NAB2: variants seen among roughly 807,000 people sequenced by gnomAD.
The protein encoded by NAB2 is NGFI-A binding protein 2, also known as NGFI-A-binding protein 2.
In NAB2, 9 loss-of-function variants were observed where a neutral mutation model predicts 44.2. That is an observed-to-expected ratio of 0.20 (90% CI 0.12 to 0.36). The LOEUF (loss-of-function observed/expected upper bound fraction) is 0.36. NAB2 is among the 10% of genes least tolerant of loss of function. The probability of loss-of-function intolerance (pLI) is 1.00; values close to 1 mark genes in which losing one functional copy is unlikely to be tolerated. For missense variants in NAB2, 514 were observed against 709.0 expected (o/e 0.73, Z 3.12); for synonymous variants, 342 against 291.0 (o/e 1.18, Z -1.78).
At chr12:57,089,472 T>TG in intron 1 of NAB2, 118 bp downstream of exon 1, 1 of 371,608 alleles carries the variant, frequency 2.7e-6, no homozygotes, top group Non-Finnish European at 4.5e-6. Flanking sequence ...GGGTGGGGGG[T>TG]GGAGACTGAT....
At chr12:57,092,707 A>C in intron 3 of NAB2, 126 bp downstream of exon 3, 1 of 1,394,960 alleles carries the variant, frequency 7.2e-7, no homozygotes, top group Non-Finnish European at 9.8e-7. Flanking sequence ...GCTTTTGGCC[A>C]AGTCAGCTTG....
rs768954384 is a variant in NAB2, at chr12:57,092,485, G to A, written c.995G>A (p.Arg332Lys). The A allele has an allele frequency of 1.1e-5, 18 of 1,614,182 alleles. No homozygotes were observed. The highest frequency in any genetic ancestry group is 1.4e-5 in the Non-Finnish European group (17 of 1,180,022). ...INEAAAQFCM[R>K]DNTLLLRRVE... ...GAGGCTGCTGCCCAGTTCTGCATGAGGGACAACACGCTCTTATTACGGAGA... is the reference window on the plus strand; with the variant it reads ...GAGGCTGCTGCCCAGTTCTGCATGAAGGACAACACGCTCTTATTACGGAGA... Residue 332 changes from arginine to lysine, a missense_variant, in exon 3 of 7, where the codon AGG becomes AAG. Transcript: ENST00000300131.
chr12:57,090,816 GTTC>G (rs1276647733), intron 1 of NAB2, among the ~76,000 whole-genome samples: 4 of 152,216 alleles, frequency 2.6e-5, no homozygotes, highest in East Asian at 1.9e-4. Context: ...CAGCGCTCAA[GTTC>G]TTCTTGCCCC....
In NAB2 at chr12:57,094,768, A is replaced by T. The variant is rs425943; in HGVS notation, c.*47A>T. ...ACCCAGGACCTCAGACTTCTGGCTC[A>T]CACAGACCCCCACGCTCTCCATCCC... is the stretch of plus-strand genomic sequence containing the variant. On this transcript the variant is annotated 3_prime_UTR_variant, in exon 7 of 7. Coordinates refer to ENST00000300131, the MANE Select transcript of NAB2 (RefSeq NM_005967.4). 3 of 1,460,978 alleles carry T rather than the reference A, an allele frequency of 2.1e-6. No individual in the cohort carries two copies. Among genetic ancestry groups the T allele is most frequent in the South Asian group, 2.5e-5 (2 of 81,436 alleles). 90.5% of individuals were successfully genotyped at this position (1,460,978 alleles called of 1,614,324 possible). A position where few individuals can be genotyped will look rare whatever the true frequency, so the allele number is the denominator to read the frequency against.
intron 1 of NAB2, among the ~76,000 whole-genome samples, chr12:57,090,459 A>T (rs1416921512): frequency 6.6e-6 from 1 of 152,066 alleles, no homozygotes; most frequent in South Asian, 2.1e-4. Context: ...CCTGGGTGAC[A>T]GAGCGAGACT....
intron 6 of NAB2, 62 bp downstream of exon 6, chr12:57,093,660 C>T: frequency 7.1e-7 from 1 of 1,411,152 alleles, no homozygotes; most frequent in Non-Finnish European, 9.3e-7. Context: ...CACAGCAATT[C>T]TGGTGTCCTG....
chr12:57,090,987 G>A (rs990810181), intron 1 of NAB2, 138 bp from the exon 2 acceptor site: 4 of 698,682 alleles, frequency 5.7e-6, no homozygotes, highest in African/African-American at 3.5e-5. Flanking sequence ...ACTCAGACCT[G>A]GGCACTGGGC....
chr12:57,094,553 C>T, intron 6 of NAB2, 59 bp from the exon 7 acceptor site: 2 of 1,388,098 alleles, frequency 1.4e-6, no homozygotes, highest in Non-Finnish European at 2.0e-6. Flanking sequence ...CTGTTCCCAA[C>T]CACCTCTGTC....
chr12:57,092,516 G>A lies in NAB2; in HGVS notation c.1026G>A (p.Glu342=), dbSNP rs1166884171. 2.5e-6 allele frequency: 4 copies of A among 1,614,216 alleles called. No homozygotes were observed. Among genetic ancestry groups the A allele is most frequent in the Non-Finnish European group, 3.4e-6 (4 of 1,180,040 alleles). The change falls in exon 3 of 7, where the codon GAG becomes GAA. Residue 342 remains glutamate, a synonymous_variant. Coordinates refer to ENST00000300131, the MANE Select transcript of NAB2 (RefSeq NM_005967.4). ...RDNTLLLRRV[E]LFSLSRQVAR... ...ACACGCTCTTATTACGGAGAGTGGA[G>A]CTCTTCTCTTTGTCCCGCCAAGTAG...
intron 2 of NAB2, 90 bp downstream of exon 2, chr12:57,092,088 T>C: frequency 1.3e-6 from 2 of 1,500,078 alleles, no homozygotes; most frequent in South Asian, 2.7e-5. Context: ...CCGACTATCT[T>C]TCATTATCTC....
At position 57,092,096 on chromosome 12, in the gene NAB2, C is replaced by T. The variant is rs561478597; in HGVS notation, c.957+98C>T. The stretch of plus-strand genomic sequence containing the variant: ...ACAGTCTCCGACTATCTTTCATTAT[C>T]TCTTGACCAGGACCCCAGGCCCTGA... On this transcript the variant is annotated intron_variant, in intron 2 of 6. Coordinates refer to ENST00000300131, the MANE Select transcript of NAB2 (RefSeq NM_005967.4). The T allele has an allele frequency of 1.1e-4, 166 of 1,481,646 alleles. No individual in the cohort carries two copies. In the African/African-American group the frequency reaches 2.1e-3, roughly 19 times the overall value. 91.8% of individuals were successfully genotyped at this position (1,481,646 alleles called of 1,614,324 possible).
intron 1 of NAB2, among the ~76,000 whole-genome samples, chr12:57,090,868 C>T (rs763123035): frequency 1.2e-4 from 18 of 152,224 alleles, no homozygotes; most frequent in Non-Finnish European, 2.4e-4. Flanking sequence ...GGTTGTAAGA[C>T]GCTTCGACTC....
rs762248536 is a variant in NAB2 at position 57,094,932 on chromosome 12, C to G, written c.*211C>G. On this transcript the variant is annotated 3_prime_UTR_variant, in exon 7 of 7. Coordinates refer to ENST00000300131, the MANE Select transcript of NAB2 (RefSeq NM_005967.4). Reference sequence around the variant, plus strand: ...AGGACACAAGGAGGGTGCGTGGTGCCCTCACCCCTGCCCAGAGCGAGGGGG... The same window carrying G: ...AGGACACAAGGAGGGTGCGTGGTGCGCTCACCCCTGCCCAGAGCGAGGGGG... The G allele has an allele frequency of 1.6e-5, 9 of 577,828 alleles. No individual in the cohort carries two copies. Among genetic ancestry groups the G allele is most frequent in the Non-Finnish European group, 2.5e-5 (8 of 325,076 alleles). The allele number at this position is 577,828 out of a possible 1,614,324, so 35.8% of individuals were successfully genotyped here.
rs2033333426 is a variant in NAB2 at position 57,095,299 on chromosome 12, G to T, written c.*578G>T. ...TTCCCTGCCCTACATAGGGGCGGTG[G>T]GTGTGGGATCCCTTCACTGGCCCCC... On this transcript the variant is annotated 3_prime_UTR_variant, in exon 7 of 7. Coordinates refer to ENST00000300131, the MANE Select transcript of NAB2 (RefSeq NM_005967.4). 6.5e-6 allele frequency: 1 copy of T among 153,632 alleles called. No individual in the cohort carries two copies. Among genetic ancestry groups the T allele is most frequent in the African/African-American group, 2.4e-5 (1 of 41,424 alleles). 9.5% of individuals were successfully genotyped at this position (153,632 alleles called of 1,614,324 possible).
At position 57,089,312 on chromosome 12, in the gene NAB2, G is replaced by C. The variant is rs745795741; in HGVS notation, c.41G>C (p.Gly14Ala). 6.3e-7 allele frequency: 1 copy of C among 1,579,616 alleles called. No homozygotes were observed. The highest frequency in any genetic ancestry group is 2.3e-5 in the East Asian group (1 of 43,666). Reference sequence around the variant, plus strand: ...TCCCCCACAGCCGAGCAGCCGCCGGGCGGAGGGGACAGCGCCCGCCGGACC... The same window carrying C: ...TCCCCCACAGCCGAGCAGCCGCCGGCCGGAGGGGACAGCGCCCGCCGGACC... ...APSPTAEQPPGGGDSARRTLQ... is the reference protein window; with the variant it reads ...APSPTAEQPPAGGDSARRTLQ... Residue 14 changes from glycine (G) to alanine (A), a missense_variant, in exon 1 of 7, where the codon GGC (glycine) becomes GCC (alanine). By Grantham distance (60) the Gly-to-Ala change is moderately conservative. Transcript: ENST00000300131.
intron 1 of NAB2, among the ~76,000 whole-genome samples, chr12:57,089,850 G>A (rs1158484156): frequency 6.6e-6 from 1 of 152,198 alleles, no homozygotes; most frequent in Non-Finnish European, 1.5e-5. Context: ...TCACAGAGCG[G>A]GGAGGGGAGT....
At chr12:57,094,103 T>A (rs2033270580) in intron 6 of NAB2, among the ~76,000 whole-genome samples, 1 of 151,478 alleles carries the variant, frequency 6.6e-6, no homozygotes, top group South Asian at 2.1e-4. Flanking sequence ...GCTTGGTATT[T>A]TTAAACTGTG....
rs374191625 is a variant in NAB2, at chr12:57,091,713, G to A, written c.672G>A (p.Gly224=). 5.0e-6 allele frequency: 8 copies of A among 1,613,892 alleles called. No individual in the cohort carries two copies. The East Asian group carries it at 1.3e-4, about 27-fold the overall frequency. ...GGVPEGTGAG[G]LAAGGTGGGP... ...TCCCTGAGGGGACTGGGGCTGGGGG[G>A]CTGGCAGCAGGTGGGACTGGGGGTG... Residue 224 remains glycine, a synonymous_variant, in exon 2 of 7, where the codon GGG becomes GGA. Coordinates refer to ENST00000300131, the MANE Select transcript of NAB2 (RefSeq NM_005967.4). This position sits in a 1 kb window ranked among gnomAD's most constrained non-coding sequence, Gnocchi z 7.3.
chr12:57,089,342 A>C lies in NAB2; in HGVS notation c.71A>C (p.Gln24Pro). 1 of 1,572,750 alleles carries C rather than the reference A, an allele frequency of 6.4e-7. No homozygotes were observed. Among genetic ancestry groups the C allele is most frequent in the Non-Finnish European group, 8.6e-7 (1 of 1,159,156 alleles). Reference protein sequence around the residue: ...GGGDSARRTLQPRLKPSARAM... With the variant: ...GGGDSARRTLPPRLKPSARAM... ...GGGGACAGCGCCCGCCGGACCCTGCAGCCCAGACTCAAGTTAGTGGGCAAA... is the reference window on the plus strand; with the variant it reads ...GGGGACAGCGCCCGCCGGACCCTGCCGCCCAGACTCAAGTTAGTGGGCAAA... The change falls in exon 1 of 7, where the codon CAG becomes CCG. Residue 24 changes from glutamine (Q) to proline (P), a missense_variant. Transcript: ENST00000300131.
Sources: gnomAD v4.1 joint callset for allele counts (sites outside exome capture counted in the v4.1 genomes callset) on GRCh38, gnomAD v4.1.1 for gene constraint, Gnocchi (gnomAD v3.1) non-coding constraint, MANE v1.5 for transcripts, NCBI Gene and HGNC (gene_info 2026-07-23, HGNC 2026-07-21) for gene names.